DOP1A: variants seen among roughly 807,000 people sequenced by gnomAD.
DOP1A encodes the protein protein DOP1A.
Under a neutral mutation model 267.6 loss-of-function variants are expected in DOP1A, and 90 were observed. The observed-to-expected ratio is 0.34, with a 90% CI of 0.28 to 0.40. The LOEUF (loss-of-function observed/expected upper bound fraction) is 0.40, where lower values mean the gene tolerates loss of function less well. Among genes scored for constraint, DOP1A ranks in the 10% least tolerant of loss-of-function variants. The probability of loss-of-function intolerance (pLI) is 1.00; values close to 1 mark genes in which losing one functional copy is unlikely to be tolerated. For missense variants in DOP1A, 2,437 were observed against 2,900.4 expected (o/e 0.84, Z 3.67); for synonymous variants, 932 against 999.1 (o/e 0.93, Z 1.27).
intron 17 of DOP1A, among the ~76,000 whole-genome samples, chr6:83,131,839 G>T (rs145147150): frequency 1.3e-5 from 2 of 151,886 alleles, no homozygotes; most frequent in African/African-American, 2.4e-5. Flanking sequence ...GTTTCGCCAC[G>T]TTGGCCAGGC....
At chr6:83,074,941 T>A (rs1766814590) in intron 1 of DOP1A, among the ~76,000 whole-genome samples, 1 of 152,216 alleles carries the variant, frequency 6.6e-6, no homozygotes, top group Non-Finnish European at 1.5e-5. Context: ...ATATAAGCCA[T>A]AAGTCAAGGA....
intron 1 of DOP1A, among the ~76,000 whole-genome samples, chr6:83,082,746 A>T (rs1768345795): frequency 6.6e-6 from 1 of 152,004 alleles, no homozygotes; most frequent in Admixed American, 6.5e-5. Context: ...AAAACATTAT[A>T]TTGTACATAA....
chr6:83,151,540 A>C, intron 27 of DOP1A, 53 bp from the exon 28 acceptor site: 1 of 1,434,566 alleles, frequency 7.0e-7, no homozygotes, highest in Non-Finnish European at 9.5e-7. Flanking sequence ...AGATCGCATT[A>C]GTTTCTTTTA....
At chr6:83,079,541 CTT>C (rs1171272273) in intron 1 of DOP1A, among the ~76,000 whole-genome samples, 1 of 151,996 alleles carries the variant, frequency 6.6e-6, no homozygotes, top group East Asian at 1.9e-4. Context: ...AAAAACCAGT[CTT>C]TATTTGAAAA....
In DOP1A at chr6:83,137,677, A is replaced by C. The variant is rs1779062844; in HGVS notation, c.3635A>C (p.Glu1212Ala). ...AGTCAGAATGCTTTGCTGAGTAATG[A>C]AAGTTCTCAGTTTCTGTCTGTGTCT... ...QQSQNALLSN[E>A]SSQFLSVSAE... The change falls in exon 21 of 39, where the codon GAA becomes GCA. Residue 1212 changes from glutamate (E) to alanine (A), a missense_variant. Coordinates refer to ENST00000349129, the MANE Select transcript of DOP1A (RefSeq NM_015018.4). The C allele has an allele frequency of 1.9e-6, 3 of 1,613,486 alleles. No homozygotes were observed. The highest frequency in any genetic ancestry group is 1.7e-5 in the Admixed American group (1 of 59,940).
chr6:83,150,632 A>G (rs1400668190), intron 27 of DOP1A, among the ~76,000 whole-genome samples: 1 of 152,198 alleles, frequency 6.6e-6, no homozygotes, highest in Non-Finnish European at 1.5e-5. Flanking sequence ...CATTTTACAT[A>G]TTAGTTTGGA....
chr6:83,145,341 G>C (rs528787212), intron 24 of DOP1A, among the ~76,000 whole-genome samples, 183 bp from the exon 25 acceptor site: 10 of 134,842 alleles, frequency 7.4e-5, no homozygotes, highest in Non-Finnish European at 9.2e-5. Flanking sequence ...TAGCACTTTG[G>C]GGGGCTAAGG....
intron 1 of DOP1A, among the ~76,000 whole-genome samples, chr6:83,095,948 G>GA (rs1771410400): frequency 6.6e-6 from 1 of 152,092 alleles, no homozygotes; most frequent in South Asian, 2.1e-4. Flanking sequence ...AATGATAAGA[G>GA]AGTAAAGAGG....
chr6:83,078,306 C>A (rs1260578514), intron 1 of DOP1A, among the ~76,000 whole-genome samples: 1 of 152,128 alleles, frequency 6.6e-6, no homozygotes, highest in African/African-American at 2.4e-5. Context: ...ACTTCTTATA[C>A]GCTAAGTTAA....
At chr6:83,119,101 T>G in intron 8 of DOP1A, 114 bp downstream of exon 8, 1 of 822,348 alleles carries the variant, frequency 1.2e-6, no homozygotes, top group Middle Eastern at 2.4e-4. Flanking sequence ...AAATCTCTTG[T>G]GTAAATGGAC....
chr6:83,153,426 G>C, intron 30 of DOP1A, 85 bp from the exon 31 acceptor site: 2 of 820,214 alleles, frequency 2.4e-6, no homozygotes, highest in Non-Finnish European at 3.7e-6. Context: ...AGTAGTCTAG[G>C]TTTTCTAACA....
At chr6:83,142,781 T>C (rs2128286492) in intron 24 of DOP1A, among the ~76,000 whole-genome samples, 1 of 152,190 alleles carries the variant, frequency 6.6e-6, no homozygotes, top group Middle Eastern at 3.4e-3. Flanking sequence ...TTGGTAGAGA[T>C]GAGGTCTCAC....
At chr6:83,164,757 A>C (rs1221008091) in intron 38 of DOP1A, 1 of 1,535,984 alleles carries the variant, frequency 6.5e-7, no homozygotes, top group Non-Finnish European at 8.8e-7. Context: ...TATGGCAGCA[A>C]AAGTTGCCAA....
intron 38 of DOP1A, among the ~76,000 whole-genome samples, chr6:83,163,960 A>C (rs1049112397): frequency 6.6e-6 from 1 of 151,888 alleles, no homozygotes; most frequent in African/African-American, 2.4e-5. Context: ...ATCTTTGCCC[A>C]AGAACCTACC....
At chr6:83,115,657 G>A (rs892091317) in intron 7 of DOP1A, among the ~76,000 whole-genome samples, 1 of 152,174 alleles carries the variant, frequency 6.6e-6, no homozygotes, top group Non-Finnish European at 1.5e-5. Context: ...CCGGGAGGGG[G>A]AGCTTGCAGT....
At chr6:83,143,926 G>C (rs1780047592) in intron 24 of DOP1A, among the ~76,000 whole-genome samples, 1 of 152,112 alleles carries the variant, frequency 6.6e-6, no homozygotes, top group South Asian at 2.1e-4. Flanking sequence ...CAAAACACTG[G>C]AGATAAAGAA....
At chr6:83,094,833 T>C (rs920813009) in intron 1 of DOP1A, among the ~76,000 whole-genome samples, 6 of 152,364 alleles carry the variant, frequency 3.9e-5, no homozygotes, top group African/African-American at 1.4e-4. Context: ...GTCTTTTCAC[T>C]TTCTTAATGT....
At chr6:83,153,407 C>A (rs956799354) in intron 30 of DOP1A, 104 bp from the exon 31 acceptor site, 1 of 630,398 alleles carries the variant, frequency 1.6e-6, no homozygotes, top group Non-Finnish European at 2.5e-6. Flanking sequence ...TTAGATTTTT[C>A]TAATTTTAAG....
chr6:83,094,885 A>G (rs1771161498), intron 1 of DOP1A, among the ~76,000 whole-genome samples: 1 of 151,908 alleles, frequency 6.6e-6, no homozygotes, highest in Non-Finnish European at 1.5e-5. Context: ...ATGAAGTCCA[A>G]TTTATTTTTT....
Sources: allele counts gnomAD v4.1 joint callset (sites outside exome capture counted in the v4.1 genomes callset), GRCh38; gene constraint gnomAD v4.1.1; transcripts MANE v1.5; gene names NCBI Gene and HGNC (gene_info 2026-07-23, HGNC 2026-07-21).